The following SLC17A9 variants were observed in gnomAD, a reference collection of about 807,000 sequenced individuals.
The protein encoded by SLC17A9 is voltage-gated purine nucleotide uniporter SLC17A9.
A neutral mutation model predicts 55.0 loss-of-function variants in SLC17A9; 49 were observed. The observed-to-expected ratio is 0.89, with a 90% CI of 0.71 to 1.13. The LOEUF is 1.13. Ranked by LOEUF, SLC17A9 falls within the 50% of genes most tolerant of loss-of-function variation. The probability of loss-of-function intolerance (pLI) is 0.00; values close to 1 mark genes in which losing one functional copy is unlikely to be tolerated. For missense variants in SLC17A9, 526 were observed against 569.3 expected (o/e 0.92, Z 0.77); for synonymous variants, 256 against 247.4 (o/e 1.03, Z -0.32).
In SLC17A9 at chr20:62,964,670, G is replaced by C. The variant is rs956714546; in HGVS notation, c.910+355G>C. 7.1e-4 allele frequency among the ~76,000 whole-genome samples: 108 copies of C among 152,374 alleles called. 1 individual carries two copies. The highest frequency in any genetic ancestry group is 1.6e-4 in the Non-Finnish European group (11 of 68,038). On this transcript the variant is annotated intron_variant, in intron 8 of 12. Transcript: ENST00000370351. ...CTGGGATGAGCCCCGAGCGGGCTGC[G>C]TGTTTCTTCCCCTAGTGCAGTGTCC...
At chr20:62,954,572 C>A (rs754657270) in intron 1 of SLC17A9, among the ~76,000 whole-genome samples, 1 of 152,194 alleles carries the variant, frequency 6.6e-6, no homozygotes, top group Non-Finnish European at 1.5e-5. Context: ...GCACACCCCC[C>A]GTCCCCCGCG....
rs115023708 is a variant in SLC17A9, at chr20:62,953,496, C to T, written c.59+607C>T. Among the ~76,000 whole-genome samples, 296 of 152,310 alleles carry T rather than the reference C, an allele frequency of 1.9e-3. 1 individual carries two copies. The highest frequency in any genetic ancestry group is 6.5e-3 in the African/African-American group (269 of 41,574). Reference sequence around the variant, plus strand: ...CTCAGAAACCGGGCGAGATGGTGACCGCGGGCCATTGGTCAGCTGGGGAGG... The same window carrying T: ...CTCAGAAACCGGGCGAGATGGTGACTGCGGGCCATTGGTCAGCTGGGGAGG... On this transcript the variant is annotated intron_variant, in intron 1 of 12. Coordinates refer to ENST00000370351, the MANE Select transcript of SLC17A9 (RefSeq NM_022082.4).
intron 4 of SLC17A9, 150 bp downstream of exon 4, chr20:62,960,753 C>A: frequency 1.4e-6 from 1 of 705,740 alleles, no homozygotes; most frequent in Non-Finnish European, 2.4e-6. Flanking sequence ...GGCTCTGTAG[C>A]CCGAGGCTGT....
chr20:62,957,180 A>C, intron 2 of SLC17A9: 6 of 983,192 alleles, frequency 6.1e-6, no homozygotes, highest in African/African-American at 1.8e-5. Flanking sequence ...TGGGCAGAAG[A>C]CCCCCCCAGA....
intron 1 of SLC17A9, 177 bp downstream of exon 1, chr20:62,953,066 T>G: frequency 8.2e-7 from 1 of 1,225,514 alleles, no homozygotes; most frequent in Admixed American, 2.1e-5. Context: ...GAGTGCCCTG[T>G]CCTTCCTCCC....
chr20:62,955,472 G>T (rs117496416), intron 1 of SLC17A9, among the ~76,000 whole-genome samples: 2,332 of 151,882 alleles, frequency 0.015, 114 homozygotes, highest in East Asian at 0.15. Flanking sequence ...GTTTTTTTTT[G>T]TTTTGTTTTG....
rs536147221 is a variant in SLC17A9, at chr20:62,964,366, C to T, written c.910+51C>T. On this transcript the variant is annotated intron_variant, in intron 8 of 12. Coordinates refer to ENST00000370351, the MANE Select transcript of SLC17A9 (RefSeq NM_022082.4). ...CTGGAAGCCACACCCTGGTTCACCT[C>T]GCTTTCGAGGGGCAGGATGCTCCCA... 104 of 1,582,312 alleles carry T rather than the reference C, an allele frequency of 6.6e-5. No individual in the cohort carries two copies. In the South Asian group the frequency reaches 9.9e-4, roughly 15 times the overall value.
At chr20:62,964,198 C>A in intron 7 of SLC17A9, 30 bp from the exon 8 acceptor site, 1 of 1,611,546 alleles carries the variant, frequency 6.2e-7, no homozygotes. Flanking sequence ...CCGGCCCTGG[C>A]CCCCTCTAAG....
Position 62,956,786 on chromosome 20 carries a change from G to T in SLC17A9, c.81G>T (p.Thr27=). ...QWSRPECQAW[T]GTLLLGTCLL... is the part of the protein sequence containing the mutation. The stretch of plus-strand genomic sequence containing the variant: ...ACAGGCCCGAGTGCCAGGCATGGAC[G>T]GGGACGCTGCTGCTGGGCACATGCC... Residue 27 remains threonine, a synonymous_variant, in exon 2 of 13, where the codon ACG becomes ACT. Transcript: ENST00000370351. 1 of 1,612,246 alleles carries T rather than the reference G, an allele frequency of 6.2e-7. No homozygotes were observed.
Position 62,960,571 on chromosome 20 carries a change from CTACA to C in SLC17A9, c.466_469del (p.Tyr156AlafsTer13). 1 of 1,613,572 alleles carries C rather than the reference CTACA, an allele frequency of 6.2e-7. No homozygotes were observed. ...TGCGGGAGAGTGAGCGAGCCTTCAC[CTACA>C]GCATCGTGGGCGCCGGCTCCCAGTT... On this transcript the variant is annotated frameshift_variant, in exon 4 of 13. Coordinates refer to ENST00000370351, the MANE Select transcript of SLC17A9 (RefSeq NM_022082.4). LOFTEE classifies it high-confidence loss of function.
chr20:62,962,893 A>G lies in SLC17A9; in HGVS notation c.628+139A>G. On this transcript the variant is annotated intron_variant, in intron 5 of 12. Transcript: ENST00000370351. The surrounding 1 kb of genome is among the most constrained non-coding windows in gnomAD (Gnocchi z 5.5). Reference sequence around the variant, plus strand: ...CTCCCAAAGAATCCGCCAGTGAGGAAAAGCGCTCGGGTGCTGAGCTGTCAG... The same window carrying G: ...CTCCCAAAGAATCCGCCAGTGAGGAGAAGCGCTCGGGTGCTGAGCTGTCAG... 2 of 1,278,988 alleles carry G rather than the reference A, an allele frequency of 1.6e-6. No homozygotes were observed. Among genetic ancestry groups the G allele is most frequent in the African/African-American group, 1.5e-5 (1 of 67,264 alleles). 79.2% of individuals were successfully genotyped at this position (1,278,988 alleles called of 1,614,324 possible).
In SLC17A9 at chr20:62,963,680, G is replaced by A. The variant is rs1351074577; in HGVS notation, c.822G>A (p.Lys274=). 1.3e-6 allele frequency: 2 copies of A among 1,584,522 alleles called. No individual in the cohort carries two copies. Among genetic ancestry groups the A allele is most frequent in the African/African-American group, 2.7e-5 (2 of 74,548 alleles). ...TFFEETFPDA[K]GWIFNVVPWL... ...TCGAGGAGACCTTCCCCGACGCCAA[G>A]GTGAGTCGGGGGCTCCCGCAGGGTG... is the stretch of plus-strand genomic sequence containing the variant. The change falls in exon 7 of 13, where the codon AAG becomes AAA. Residue 274 remains lysine, a splice_region_variant and synonymous_variant. Coordinates refer to ENST00000370351, the MANE Select transcript of SLC17A9 (RefSeq NM_022082.4).
rs1226855413 is a variant in SLC17A9, at chr20:62,963,829, C to T, written c.822+149C>T. On this transcript the variant is annotated intron_variant, in intron 7 of 12. Coordinates refer to ENST00000370351, the MANE Select transcript of SLC17A9 (RefSeq NM_022082.4). Reference sequence around the variant, plus strand: ...GTCCTGGCACTGCCAGGCTCTTCCTCTGGAGAGGACCCCGTCCATGCTCGG... The same window carrying T: ...GTCCTGGCACTGCCAGGCTCTTCCTTTGGAGAGGACCCCGTCCATGCTCGG... 1.1e-5 allele frequency: 8 copies of T among 718,534 alleles called. No individual in the cohort carries two copies. In the Admixed American group the frequency reaches 1.9e-4, roughly 17 times the overall value. 44.5% of individuals were successfully genotyped at this position (718,534 alleles called of 1,614,324 possible).
chr20:62,964,306 A>T lies in SLC17A9; in HGVS notation c.901A>T (p.Ile301Phe), dbSNP rs756943798. The T allele has an allele frequency of 1.9e-6, 3 of 1,610,144 alleles. No homozygotes were observed. The highest frequency in any genetic ancestry group is 2.2e-5 in the South Asian group (2 of 90,988). Residue 301 changes from isoleucine to phenylalanine, a missense_variant, in exon 8 of 13, where the codon ATC becomes TTC. By Grantham distance (21) the Ile-to-Phe change is conservative (BLOSUM62 0). Transcript: ENST00000370351. ...LFSGFLSDHL[I>F]NQGYRAITVR... ...CAGCGGGTTTCTCTCTGATCATCTC[A>T]TCAATCAGGGTGAGCCCCAGGGAGG...
At position 62,958,497 on chromosome 20, in the gene SLC17A9, C is replaced by T. The variant is rs2065561744; in HGVS notation, c.397+917C>T. Among the ~76,000 whole-genome samples, 1 of 152,114 alleles carries T rather than the reference C, an allele frequency of 6.6e-6. No individual in the cohort carries two copies. ...GAGAAACAGCCAGGCCTCCAGCCTG[C>T]AGGGGCCTGCTGGCCCCAACCCAGC... On this transcript the variant is annotated intron_variant, in intron 3 of 12. Coordinates refer to ENST00000370351, the MANE Select transcript of SLC17A9 (RefSeq NM_022082.4). This position sits in a 1 kb window ranked among gnomAD's most constrained non-coding sequence, Gnocchi z 4.1.
intron 1 of SLC17A9, among the ~76,000 whole-genome samples, chr20:62,956,049 C>T (rs1052880578): frequency 6.6e-6 from 1 of 152,244 alleles, no homozygotes; most frequent in Admixed American, 6.5e-5. Flanking sequence ...TAGCCTCTGG[C>T]AGAGCAGGAG....
chr20:62,960,210 G>A lies in SLC17A9; in HGVS notation c.398-294G>A, dbSNP rs73918890. ...GGACTCTAGAGCACAGCTGGAGGCC[G>A]GTGGTGAGAGTGTGCACATGTGCAT... is the stretch of plus-strand genomic sequence containing the variant. On this transcript the variant is annotated intron_variant, in intron 3 of 12. Coordinates refer to ENST00000370351, the MANE Select transcript of SLC17A9 (RefSeq NM_022082.4). 3.6e-3 allele frequency among the ~76,000 whole-genome samples: 546 copies of A among 152,388 alleles called. 3 individuals are homozygous for A. The highest frequency in any genetic ancestry group is 0.012 in the African/African-American group (519 of 41,598).
In SLC17A9 at chr20:62,965,182, C is replaced by A. The variant is rs372191190; in HGVS notation, c.945+16C>A. 53 of 1,613,990 alleles carry A rather than the reference C, an allele frequency of 3.3e-5. No individual in the cohort carries two copies. Among genetic ancestry groups the A allele is most frequent in the Non-Finnish European group, 4.3e-5 (51 of 1,180,002 alleles). On this transcript the variant is annotated intron_variant, in intron 9 of 12. Coordinates refer to ENST00000370351, the MANE Select transcript of SLC17A9 (RefSeq NM_022082.4). The stretch of plus-strand genomic sequence containing the variant: ...GCTCATGCAGGTAGGAGAATCATTC[C>A]GGTCGTTCTCTCTGGATATCCCTGC...
intron 5 of SLC17A9, 71 bp from the exon 6 acceptor site, chr20:62,963,202 C>A: frequency 6.6e-7 from 1 of 1,515,514 alleles, no homozygotes; most frequent in Non-Finnish European, 9.0e-7. Flanking sequence ...ACCCCCAAAT[C>A]CCCAATCCTT....
Sources: gnomAD v4.1 joint callset for allele counts (sites outside exome capture counted in the v4.1 genomes callset) on GRCh38, gnomAD v4.1.1 for gene constraint, Gnocchi (gnomAD v3.1) non-coding constraint, MANE v1.5 for transcripts, NCBI Gene and HGNC (gene_info 2026-07-23, HGNC 2026-07-21) for gene names.